PRKAR1B: variants seen among roughly 807,000 people sequenced by gnomAD.
The protein encoded by PRKAR1B is cAMP-dependent protein kinase type I-beta regulatory subunit.
Under a neutral mutation model 46.5 loss-of-function variants are expected in PRKAR1B, and 22 were observed. The observed-to-expected ratio is 0.47, with a 90% CI of 0.34 to 0.68. The LOEUF (loss-of-function observed/expected upper bound fraction) is 0.68. PRKAR1B is among the 30% of genes least tolerant of loss of function. PRKAR1B has a pLI of 0.01. For synonymous variants in PRKAR1B, 259 were observed against 217.7 expected (o/e 1.19, Z -1.67); for missense variants, 445 against 535.6 (o/e 0.83, Z 1.67).
chr7:549,305 C>G lies in PRKAR1B; in HGVS notation c.*1125G>C, dbSNP rs1169615423. On this transcript the variant is annotated 3_prime_UTR_variant, in exon 11 of 11. Coordinates refer to ENST00000537384, the MANE Select transcript of PRKAR1B (RefSeq NM_001164760.2). ...CACAGGCACAGGCGGGACACGGCGA[C>G]GTGGCCGGGGCTGGGTGGGGAGGGG... 1 of 152,082 alleles carries G rather than the reference C, an allele frequency of 6.6e-6. No individual in the cohort carries two copies. The highest frequency in any genetic ancestry group is 1.5e-5 in the Non-Finnish European group (1 of 68,106). The allele number at this position is 152,082 out of a possible 1,614,324, so 9.4% of individuals were successfully genotyped here. A position where few individuals can be genotyped will look rare whatever the true frequency, so the allele number is the denominator to read the frequency against.
chr7:681,323 T>TAAAAA (rs1159377371), intron 2 of PRKAR1B, among the ~76,000 whole-genome samples: 8,485 of 113,696 alleles, frequency 0.075, 332 homozygotes, highest in South Asian at 0.18. Flanking sequence ...CCTGTCTCTA[T>TAAAAA]AAAAAAAAAA....
intron 4 of PRKAR1B, among the ~76,000 whole-genome samples, chr7:637,844 T>A (rs879902633): frequency 5.3e-5 from 8 of 151,796 alleles, no homozygotes; most frequent in African/African-American, 9.7e-5. Context: ...AAAAAATAAA[T>A]AAATAAATAA....
chr7:550,478 G>A lies in PRKAR1B; in HGVS notation c.1098C>T (p.Leu366=). ...TGTTGTAACGCTGAATGTTCCTCTT[G>A]AGGATCTCAGAGCAGGGCCCCAGCA... ...ERVLGPCSEI[L]KRNIQRYNSF... is the part of the protein sequence containing the mutation. The change falls in exon 11 of 11, where the codon CTC becomes CTT. Residue 366 remains leucine, a synonymous_variant. Transcript: ENST00000537384. 6.3e-7 allele frequency: 1 copy of A among 1,597,916 alleles called. No individual in the cohort carries two copies. Among genetic ancestry groups the A allele is most frequent in the South Asian group, 1.1e-5 (1 of 88,308 alleles).
chr7:704,131 A>C lies in PRKAR1B; in HGVS notation c.177+7198T>G, dbSNP rs79295646. On this transcript the variant is annotated intron_variant, in intron 2 of 10. Coordinates refer to ENST00000537384, the MANE Select transcript of PRKAR1B (RefSeq NM_001164760.2). The stretch of plus-strand genomic sequence containing the variant: ...TCAGATAAAAAGCCTTAATCATCTA[A>C]AATTTCACCTTAAGAAATTTTATGA... 8.6e-3 allele frequency among the ~76,000 whole-genome samples: 1,313 copies of C among 152,322 alleles called. 12 individuals carry two copies. Among genetic ancestry groups the C allele is most frequent in the Middle Eastern group, 0.031 (9 of 294 alleles).
intron 4 of PRKAR1B, among the ~76,000 whole-genome samples, chr7:628,491 T>A (rs945136984): frequency 1.3e-5 from 2 of 152,216 alleles, no homozygotes; most frequent in Non-Finnish European, 2.9e-5. Context: ...CCCAGCTGTC[T>A]GCCATCAAAC....
At position 596,194 on chromosome 7, in the gene PRKAR1B, G is replaced by A; in HGVS notation, c.660C>T (p.Asp220=). The A allele has an allele frequency of 6.2e-7, 1 of 1,614,046 alleles. No homozygotes were observed. The highest frequency in any genetic ancestry group is 1.1e-5 in the South Asian group (1 of 91,080). ...PRAATVKAKT[D]LKLWGIDRDS... Reference sequence around the variant, plus strand: ...CCCGGTCGATCCCCCAGAGCTTGAGGTCCGTCTTGGCTTTCACGGTCGCAG... The same window carrying A: ...CCCGGTCGATCCCCCAGAGCTTGAGATCCGTCTTGGCTTTCACGGTCGCAG... The change falls in exon 7 of 11, where the codon GAC becomes GAT. Residue 220 remains aspartate, a synonymous_variant. Transcript: ENST00000537384.
intron 4 of PRKAR1B, among the ~76,000 whole-genome samples, chr7:640,802 ACACACAGACAC>A (rs1379494221): frequency 7.9e-6 from 1 of 126,566 alleles, no homozygotes; most frequent in African/African-American, 3.2e-5. Flanking sequence ...ACACACACAC[ACACACAGACAC>A]AAATGAAATA....
rs1327145100 is a variant in PRKAR1B at position 621,910 on chromosome 7, G to C, written c.441-14458C>G. Among the ~76,000 whole-genome samples, 5 of 152,214 alleles carry C rather than the reference G, an allele frequency of 3.3e-5. No homozygotes were observed. In the East Asian group the frequency reaches 9.6e-4, roughly 29 times the overall value. On this transcript the variant is annotated intron_variant, in intron 4 of 10. Transcript: ENST00000537384. ...AGCAGCTGCTGCCATAGTGTCTGCT[G>C]GTTCCAAACCCCATGCAGCCGCTCC... is the stretch of plus-strand genomic sequence containing the variant.
intron 2 of PRKAR1B, among the ~76,000 whole-genome samples, chr7:699,081 C>T (rs948397166): frequency 6.6e-6 from 1 of 152,198 alleles, no homozygotes; most frequent in Non-Finnish European, 1.5e-5. Flanking sequence ...CAAAGCCAAC[C>T]CCAGGAGAAC....
At chr7:617,959 C>T (rs952471205) in intron 4 of PRKAR1B, among the ~76,000 whole-genome samples, 1 of 152,192 alleles carries the variant, frequency 6.6e-6, no homozygotes, top group African/African-American at 2.4e-5. Context: ...GCTGTGTTCA[C>T]TTTCCCCAAG....
In PRKAR1B at chr7:705,895, A is replaced by G. The variant is rs546601642; in HGVS notation, c.177+5434T>C. On this transcript the variant is annotated intron_variant, in intron 2 of 10. Transcript: ENST00000537384. ...TATAAAATTAGCCGGGCGTGGTGGC[A>G]GGCGCCTGTAATCCCAGCTACTCGG... Among the ~76,000 whole-genome samples, 45 of 151,370 alleles carry G rather than the reference A, an allele frequency of 3.0e-4. 1 individual carries two copies. In the East Asian group the frequency reaches 8.0e-3, roughly 27 times the overall value.
At chr7:573,458 G>A (rs1779640354) in intron 9 of PRKAR1B, among the ~76,000 whole-genome samples, 1 of 152,042 alleles carries the variant, frequency 6.6e-6, no homozygotes, top group Non-Finnish European at 1.5e-5. Context: ...GGAAGCCTGT[G>A]CAGGAGCGCG....
chr7:705,049 T>C (rs1780248419), intron 2 of PRKAR1B, among the ~76,000 whole-genome samples: 1 of 152,036 alleles, frequency 6.6e-6, no homozygotes, highest in African/African-American at 2.4e-5. Flanking sequence ...CCCAGCACTT[T>C]GGGAGGCTGA....
rs547114749 is a variant in PRKAR1B, at chr7:642,993, G to A, written c.440+34236C>T. Among the ~76,000 whole-genome samples, 86 of 151,560 alleles carry A rather than the reference G, an allele frequency of 5.7e-4. 2 individuals carry two copies. The highest frequency in any genetic ancestry group is 1.9e-3 in the African/African-American group (78 of 40,910). On this transcript the variant is annotated intron_variant, in intron 4 of 10. Transcript: ENST00000537384. ...GTAAAGGATGGATGGTGCTAACCCCGCACTTCACTGGGATGTGGAGTAGTA... is the reference window on the plus strand; with the variant it reads ...GTAAAGGATGGATGGTGCTAACCCCACACTTCACTGGGATGTGGAGTAGTA...
intron 4 of PRKAR1B, among the ~76,000 whole-genome samples, chr7:654,783 T>C (rs1336277607): frequency 6.6e-6 from 1 of 152,050 alleles, no homozygotes; most frequent in Non-Finnish European, 1.5e-5. Context: ...ACCATCTTCA[T>C]CACCATCACT....
intron 2 of PRKAR1B, among the ~76,000 whole-genome samples, chr7:700,667 T>TAA (rs944838696): frequency 2.1e-5 from 3 of 145,990 alleles, no homozygotes. Flanking sequence ...CAAATTTATT[T>TAA]AAAAAAAAAA....
At chr7:572,505 C>A (rs1583224282) in intron 9 of PRKAR1B, among the ~76,000 whole-genome samples, 1 of 152,244 alleles carries the variant, frequency 6.6e-6, no homozygotes, top group South Asian at 2.1e-4. Flanking sequence ...CAGCTCAGCT[C>A]TGCAGTGGAG....
At chr7:720,899 G>A (rs1050706050) in intron 1 of PRKAR1B, among the ~76,000 whole-genome samples, 3 of 152,156 alleles carry the variant, frequency 2.0e-5, no homozygotes, top group East Asian at 1.9e-4. Flanking sequence ...TTGTATCCAC[G>A]TGGCGAACCT....
chr7:617,724 C>T (rs1215477919), intron 4 of PRKAR1B, among the ~76,000 whole-genome samples: 3 of 152,214 alleles, frequency 2.0e-5, no homozygotes, highest in Admixed American at 1.3e-4. Flanking sequence ...GGAGGCAGAG[C>T]CTGGGCCTGT....
Sources: gnomAD v4.1 joint callset for allele counts (sites outside exome capture counted in the v4.1 genomes callset) on GRCh38, gnomAD v4.1.1 for gene constraint, MANE v1.5 for transcripts, NCBI Gene and HGNC (gene_info 2026-07-23, HGNC 2026-07-21) for gene names.